Variants in SIPA1L1 observed in about 807,000 individuals in gnomAD.
The protein encoded by SIPA1L1 is signal induced proliferation associated 1 like 1, also known as signal-induced proliferation-associated 1-like protein 1.
Under a neutral mutation model 162.7 loss-of-function variants are expected in SIPA1L1, and 26 were observed. The ratio of observed to expected loss-of-function variants is 0.16; its 90% confidence interval spans 0.12 to 0.22. The LOEUF (loss-of-function observed/expected upper bound fraction) is 0.22, where lower values mean the gene tolerates loss of function less well. Among genes scored for constraint, SIPA1L1 ranks in the 10% least tolerant of loss-of-function variants. The pLI, the probability that SIPA1L1 is intolerant of heterozygous loss-of-function variation, is 1.00. For synonymous variants in SIPA1L1, 829 were observed against 837.4 expected, an observed-to-expected ratio of 0.99 and a Z score of 0.17; for missense variants, 1,874 against 2,241.0, an observed-to-expected ratio of 0.84 and a Z score of 3.31.
chr14:71,608,934 A>C (rs1409737892), intron 5 of SIPA1L1, among the ~76,000 whole-genome samples: 2 of 152,166 alleles, frequency 1.3e-5, no homozygotes, highest in East Asian at 3.8e-4. Flanking sequence ...ACTTCCAATT[A>C]TAAAAGTTAT....
intron 2 of SIPA1L1, among the ~76,000 whole-genome samples, chr14:71,491,054 C>G (rs1449020916): frequency 2.0e-5 from 3 of 152,058 alleles, no homozygotes; most frequent in African/African-American, 7.2e-5. Flanking sequence ...CCTTTTTAAT[C>G]CTCAGAGTCC....
intron 20 of SIPA1L1, among the ~76,000 whole-genome samples, chr14:71,730,790 A>G (rs2084690701): frequency 6.6e-6 from 1 of 152,174 alleles, no homozygotes; most frequent in African/African-American, 2.4e-5. Flanking sequence ...GCAGGCAAGC[A>G]TTATGTAAGG....
At chr14:71,330,742 G>A in intron 2 of SIPA1L1, 1 of 832,572 alleles carries the variant, frequency 1.2e-6, no homozygotes, top group Non-Finnish European at 2.1e-6. Flanking sequence ...GTCATCATAA[G>A]GAATCTGGCT....
intron 4 of SIPA1L1, among the ~76,000 whole-genome samples, chr14:71,579,692 T>C (rs1285176374): frequency 1.3e-5 from 2 of 152,250 alleles, no homozygotes; most frequent in Non-Finnish European, 2.9e-5. Flanking sequence ...AAGGGAAATA[T>C]GCTTACTGTT....
chr14:71,408,614 C>T (rs1051040324), intron 2 of SIPA1L1, among the ~76,000 whole-genome samples: 1 of 152,190 alleles, frequency 6.6e-6, no homozygotes, highest in African/African-American at 2.4e-5. Flanking sequence ...GTTTGTGCCT[C>T]CACCCCCTTT....
intron 4 of SIPA1L1, among the ~76,000 whole-genome samples, chr14:71,554,983 A>T (rs1194092902): frequency 6.6e-6 from 1 of 152,216 alleles, no homozygotes; most frequent in African/African-American, 2.4e-5. Flanking sequence ...CCAGTAGCTA[A>T]TGAGCACATT....
chr14:71,452,795 CT>C (rs1422173272), intron 2 of SIPA1L1, among the ~76,000 whole-genome samples: 1 of 152,216 alleles, frequency 6.6e-6, no homozygotes, highest in East Asian at 1.9e-4. Context: ...AGGACTAGTG[CT>C]TTGACCTCAA....
rs933597224 is a variant in SIPA1L1, at chr14:71,624,114, A to C, written c.1696A>C (p.Arg566=). 6.2e-7 allele frequency: 1 copy of C among 1,614,188 alleles called. No homozygotes were observed. The highest frequency in any genetic ancestry group is 8.5e-7 in the Non-Finnish European group (1 of 1,180,020). Residue 566 remains arginine (R), a synonymous_variant, in exon 7 of 24, where the codon AGA becomes CGA. Coordinates refer to ENST00000381232, the MANE Select transcript of SIPA1L1 (RefSeq NM_001386936.1). ...IPSTAKHSTA[R]GLPLKEVLEH... The stretch of plus-strand genomic sequence containing the variant: ...GTCGACAGCCAAGCACTCGACAGCC[A>C]GAGGCCTGCCTCTCAAAGAAGTGCT...
chr14:71,508,430 G>T (rs1567124009), intron 2 of SIPA1L1, among the ~76,000 whole-genome samples: 1 of 152,020 alleles, frequency 6.6e-6, no homozygotes, highest in East Asian at 1.9e-4. Context: ...TTCTTTATTT[G>T]GAAAAGGGAT....
intron 3 of SIPA1L1, among the ~76,000 whole-genome samples, chr14:71,514,489 A>C (rs2051502162): frequency 6.6e-6 from 1 of 152,154 alleles, no homozygotes. Flanking sequence ...GCTGATCACC[A>C]GTTTCAGGTG....
At chr14:71,523,762 T>C (rs956686814) in intron 3 of SIPA1L1, among the ~76,000 whole-genome samples, 1 of 152,256 alleles carries the variant, frequency 6.6e-6, no homozygotes, top group South Asian at 2.1e-4. Context: ...CAGTTATTTA[T>C]TTTTTATCAC....
chr14:71,605,751 A>G (rs1481908917), intron 5 of SIPA1L1, among the ~76,000 whole-genome samples: 1 of 152,188 alleles, frequency 6.6e-6, no homozygotes, highest in African/African-American at 2.4e-5. Context: ...CGTCGAGTCC[A>G]GTGGTAGCAG....
chr14:71,379,047 G>A (rs1043499341), intron 2 of SIPA1L1, among the ~76,000 whole-genome samples: 1 of 152,050 alleles, frequency 6.6e-6, no homozygotes, highest in Non-Finnish European at 1.5e-5. Flanking sequence ...TTTCTTAGCC[G>A]TTCTGAAGTT....
At chr14:71,556,382 T>C (rs1017549256) in intron 4 of SIPA1L1, among the ~76,000 whole-genome samples, 1 of 152,172 alleles carries the variant, frequency 6.6e-6, no homozygotes, top group Non-Finnish European at 1.5e-5. Flanking sequence ...CTCAATTCAG[T>C]TCCAACACTA....
At chr14:71,331,104 T>C (rs1237408918) in intron 2 of SIPA1L1, among the ~76,000 whole-genome samples, 2 of 152,254 alleles carry the variant, frequency 1.3e-5, no homozygotes. Context: ...CCAACTTTTA[T>C]TCATTTGCAT....
Position 71,467,368 on chromosome 14 carries a change from A to T in SIPA1L1, c.-464-45375A>T, listed in dbSNP as rs1024698481. 6 of 152,308 alleles carry T rather than the reference A, an allele frequency of 3.9e-5. 1 individual carries two copies. In the South Asian group the frequency reaches 1.2e-3, roughly 32 times the overall value. The allele number at this position is 152,308 out of a possible 1,614,324, so 9.4% of individuals were successfully genotyped here. A position where few individuals can be genotyped will look rare whatever the true frequency, so the allele number is the denominator to read the frequency against. ...CTCCAAGAAGAAGCATTCGTCATTC[A>T]CTATTTGTTTGATGAGATGATACTT... On this transcript the variant is annotated intron_variant, in intron 2 of 23. Coordinates refer to ENST00000381232, the MANE Select transcript of SIPA1L1 (RefSeq NM_001386936.1).
At chr14:71,558,486 T>A (rs1239172847) in intron 4 of SIPA1L1, among the ~76,000 whole-genome samples, 1 of 152,148 alleles carries the variant, frequency 6.6e-6, no homozygotes, top group Non-Finnish European at 1.5e-5. Context: ...TGGGAGAAGG[T>A]TACTAAAGAG....
intron 2 of SIPA1L1, chr14:71,467,130 A>G (rs1183008643): frequency 6.6e-6 from 1 of 152,186 alleles, no homozygotes; most frequent in Non-Finnish European, 1.5e-5. Flanking sequence ...GTCCAGATTT[A>G]TGTCAGCATT....
intron 7 of SIPA1L1, among the ~76,000 whole-genome samples, chr14:71,633,791 A>T (rs1192691304): frequency 6.6e-6 from 1 of 152,238 alleles, no homozygotes; most frequent in Non-Finnish European, 1.5e-5. Context: ...TCTGAGCAAC[A>T]AAGAGTAGAC....
Sources: gnomAD v4.1 joint callset for allele counts (sites outside exome capture counted in the v4.1 genomes callset) on GRCh38, gnomAD v4.1.1 for gene constraint, MANE v1.5 for transcripts, NCBI Gene and HGNC (gene_info 2026-07-23, HGNC 2026-07-21) for gene names.